SH3RF1: variants seen among roughly 807,000 people sequenced by gnomAD.
SH3RF1 encodes SH3 domain containing ring finger 1, also known as E3 ubiquitin-protein ligase SH3RF1.
A neutral mutation model predicts 74.0 loss-of-function variants in SH3RF1; 32 were observed. The observed-to-expected ratio is 0.43, with a 90% CI of 0.33 to 0.58. The LOEUF is 0.58. Ranked by LOEUF, SH3RF1 falls within the 20% of genes least tolerant of loss-of-function variation. The pLI is 0.05. For synonymous variants in SH3RF1, 396 were observed against 439.6 expected, an observed-to-expected ratio of 0.90 and a Z score of 1.24; for missense variants, 954 against 1,130.9, an observed-to-expected ratio of 0.84 and a Z score of 2.24.
At chr4:169,164,535 T>C (rs1734201053) in intron 2 of SH3RF1, among the ~76,000 whole-genome samples, 1 of 152,120 alleles carries the variant, frequency 6.6e-6, no homozygotes, top group Non-Finnish European at 1.5e-5. Context: ...TTCTGAGACA[T>C]GGGAGGTACA....
At chr4:169,098,858 C>T (rs1424681868) in intron 11 of SH3RF1, among the ~76,000 whole-genome samples, 1 of 152,226 alleles carries the variant, frequency 6.6e-6, no homozygotes, top group African/African-American at 2.4e-5. Context: ...AAGTATGATG[C>T]TCTTCGTATG....
chr4:169,253,684 G>T (rs528044055), intron 2 of SH3RF1, among the ~76,000 whole-genome samples: 1 of 152,264 alleles, frequency 6.6e-6, no homozygotes, highest in South Asian at 2.1e-4. Context: ...GAATTACTTA[G>T]TATACAGATG....
intron 2 of SH3RF1, among the ~76,000 whole-genome samples, chr4:169,253,868 T>C (rs1731143781): frequency 6.6e-6 from 1 of 152,224 alleles, no homozygotes; most frequent in Non-Finnish European, 1.5e-5. Context: ...GGATAGGAGA[T>C]AACATATCAC....
At chr4:169,267,290 T>C (rs180931381) in intron 2 of SH3RF1, among the ~76,000 whole-genome samples, 1 of 152,332 alleles carries the variant, frequency 6.6e-6, no homozygotes, top group Admixed American at 6.5e-5. Flanking sequence ...AGATACAGTA[T>C]TCCAGGAAGC....
chr4:169,173,449 T>C lies in SH3RF1; in HGVS notation c.394-16770A>G, dbSNP rs375437473. Among the ~76,000 whole-genome samples the C allele has an allele frequency of 9.6e-4, 145 of 151,010 alleles. 3 individuals are homozygous for C. In the South Asian group the frequency reaches 0.029, roughly 30 times the overall value. ...TTTTCTGGGATTAAAAAAAAAAAAG[T>C]AGCAAAAGAACACAGTAAGTCCAGT... On this transcript the variant is annotated intron_variant, in intron 2 of 11. Coordinates refer to ENST00000284637, the MANE Select transcript of SH3RF1 (RefSeq NM_020870.4).
chr4:169,270,459 G>C (rs935049977), intron 1 of SH3RF1, among the ~76,000 whole-genome samples: 1 of 151,472 alleles, frequency 6.6e-6, no homozygotes, highest in African/African-American at 2.5e-5. Flanking sequence ...CCCTCTACAC[G>C]ACTGCGGGAA....
chr4:169,150,204 T>C (rs756657149), intron 4 of SH3RF1, among the ~76,000 whole-genome samples: 1 of 152,254 alleles, frequency 6.6e-6, no homozygotes, highest in Non-Finnish European at 1.5e-5. Flanking sequence ...TAGTTTATTG[T>C]ATGTAACTTA....
chr4:169,155,422 A>C, intron 4 of SH3RF1, 58 bp downstream of exon 4: 1 of 1,347,968 alleles, frequency 7.4e-7, no homozygotes, highest in Non-Finnish European at 1.1e-6. Context: ...TTGCATAATT[A>C]AGATTTATTT....
intron 7 of SH3RF1, among the ~76,000 whole-genome samples, chr4:169,121,562 G>A (rs1213885353): frequency 6.6e-6 from 1 of 152,200 alleles, no homozygotes; most frequent in Non-Finnish European, 1.5e-5. Context: ...GATGCAAGGT[G>A]ACTGTGCCCA....
At chr4:169,162,682 A>G (rs756663761) in intron 2 of SH3RF1, among the ~76,000 whole-genome samples, 1 of 152,158 alleles carries the variant, frequency 6.6e-6, no homozygotes, top group Non-Finnish European at 1.5e-5. Context: ...CTTCATTCAC[A>G]TGTCTTCTTT....
chr4:169,145,681 C>T (rs1468815640), intron 4 of SH3RF1, among the ~76,000 whole-genome samples: 1 of 138,830 alleles, frequency 7.2e-6, no homozygotes, highest in East Asian at 2.0e-4. Context: ...AACTCCTGAC[C>T]TCGTGATCCA....
At chr4:169,238,155 T>A (rs1349590758) in intron 2 of SH3RF1, among the ~76,000 whole-genome samples, 3 of 152,210 alleles carry the variant, frequency 2.0e-5, no homozygotes, top group African/African-American at 7.2e-5. Flanking sequence ...TAATGCAATA[T>A]AGTCTTCAAT....
At chr4:169,186,858 A>G (rs1247954824) in intron 2 of SH3RF1, among the ~76,000 whole-genome samples, 1 of 150,124 alleles carries the variant, frequency 6.7e-6, no homozygotes, top group South Asian at 2.1e-4. Flanking sequence ...TACAAAAAAA[A>G]AAAAAATTAG....
chr4:169,128,027 T>C (rs775575003), intron 6 of SH3RF1, among the ~76,000 whole-genome samples: 42 of 152,218 alleles, frequency 2.8e-4, no homozygotes, highest in Non-Finnish European at 5.4e-4. Context: ...ACTCAAAATG[T>C]TTCAGATTTG....
At chr4:169,204,822 T>C (rs566964674) in intron 2 of SH3RF1, among the ~76,000 whole-genome samples, 6 of 152,314 alleles carry the variant, frequency 3.9e-5, no homozygotes, top group African/African-American at 1.4e-4. Context: ...GCATTGGGAT[T>C]ACAGGCGTGA....
chr4:169,115,449 T>C (rs1297585477), intron 10 of SH3RF1, among the ~76,000 whole-genome samples: 1 of 152,176 alleles, frequency 6.6e-6, no homozygotes, highest in East Asian at 1.9e-4. Context: ...AACCCTATTG[T>C]GAACTGCACA....
chr4:169,201,212 A>T (rs1456448661), intron 2 of SH3RF1, among the ~76,000 whole-genome samples: 1 of 152,204 alleles, frequency 6.6e-6, no homozygotes, highest in African/African-American at 2.4e-5. Context: ...TTTGGAATTA[A>T]AGTTTCTATC....
chr4:169,258,863 C>A (rs947015288), intron 2 of SH3RF1, among the ~76,000 whole-genome samples: 10 of 152,066 alleles, frequency 6.6e-5, no homozygotes, highest in African/African-American at 1.4e-4. Context: ...TTTTTTAGCT[C>A]TACAAGAATT....
At chr4:169,103,456 G>A (rs991786834) in intron 11 of SH3RF1, among the ~76,000 whole-genome samples, 12 of 152,146 alleles carry the variant, frequency 7.9e-5, no homozygotes, top group African/African-American at 2.4e-4. Flanking sequence ...TGCTTGTATT[G>A]TAAATCAAGG....
Sources: allele counts gnomAD v4.1 joint callset (sites outside exome capture counted in the v4.1 genomes callset), GRCh38; gene constraint gnomAD v4.1.1; transcripts MANE v1.5; gene names NCBI Gene and HGNC (gene_info 2026-07-23, HGNC 2026-07-21).